TTC6: variants seen among roughly 807,000 people sequenced by gnomAD.
TTC6 encodes the protein tetratricopeptide repeat domain 6.
In TTC6, 172 loss-of-function variants were observed where a neutral mutation model predicts 210.4. The observed-to-expected ratio is 0.82, with a 90% CI of 0.72 to 0.93. The LOEUF is 0.93. Among genes scored for constraint, TTC6 ranks in the 40% least tolerant of loss-of-function variants. TTC6 has a pLI of 0.00. For missense variants in TTC6, 2,414 were observed against 2,318.1 expected (o/e 1.04, Z -0.85); for synonymous variants, 804 against 819.6 (o/e 0.98, Z 0.32).
chr14:37,738,811 G>A, exon 10 of TTC6: 2 of 1,525,036 alleles, frequency 1.3e-6, no homozygotes, highest in Non-Finnish European at 1.7e-6. Context: ...GGAAGGAGAA[G>A]ATCATAGCTC....
chr14:37,652,408 A>G (rs1297847877), intron 1 of TTC6, among the ~76,000 whole-genome samples: 1 of 152,146 alleles, frequency 6.6e-6, no homozygotes, highest in African/African-American at 2.4e-5. Context: ...GAATGTTTAT[A>G]TGAGGAGAGG....
chr14:37,645,005 A>G (rs1383395064), intron 1 of TTC6, among the ~76,000 whole-genome samples: 3 of 152,216 alleles, frequency 2.0e-5, no homozygotes, highest in Admixed American at 6.5e-5. Flanking sequence ...TACATGTTAA[A>G]TAGGCTGCAT....
intron 27 of TTC6, among the ~76,000 whole-genome samples, chr14:37,824,454 A>G (rs1194257601): frequency 1.3e-5 from 2 of 152,202 alleles, no homozygotes; most frequent in Non-Finnish European, 2.9e-5. Flanking sequence ...AGCTGACTGC[A>G]ATCCAGTGAA....
At chr14:37,621,424 A>C (rs1303777669), upstream of TTC6, among the ~76,000 whole-genome samples, 3 of 152,144 alleles carry the variant, frequency 2.0e-5, no homozygotes, top group Non-Finnish European at 4.4e-5. Flanking sequence ...CAGCCTGGGC[A>C]ACACAAGGAG....
At chr14:37,787,618 A>G (rs1274510976) in exon 15 of TTC6, 3 of 1,505,080 alleles carry the variant, frequency 2.0e-6, no homozygotes, top group South Asian at 2.5e-5. Flanking sequence ...TTAGAGCGCT[A>G]CAGGATTATA....
At chr14:37,779,599 A>G (rs1293825145) in intron 14 of TTC6, among the ~76,000 whole-genome samples, 1 of 152,154 alleles carries the variant, frequency 6.6e-6, no homozygotes, top group Non-Finnish European at 1.5e-5. Flanking sequence ...TTATTATTAG[A>G]TATTTTTTGT....
intron 5 of TTC6, among the ~76,000 whole-genome samples, chr14:37,709,275 C>T (rs1468705279): frequency 6.6e-6 from 1 of 152,000 alleles, no homozygotes; most frequent in East Asian, 1.9e-4. Context: ...CTTAGTAGTT[C>T]CCTAGCCTAA....
At chr14:37,760,065 T>C (rs148809394) in intron 14 of TTC6, among the ~76,000 whole-genome samples, 2,567 of 152,240 alleles carry the variant, frequency 0.017, 65 homozygotes, top group Middle Eastern at 0.075. Flanking sequence ...TTGCAATCAT[T>C]TGGAGAAGAG....
At chr14:37,613,142 A>G (rs894780489) in intron 2 of TTC6, among the ~76,000 whole-genome samples, 3 of 152,130 alleles carry the variant, frequency 2.0e-5, no homozygotes, top group Non-Finnish European at 2.9e-5. Flanking sequence ...GATGTTCTCT[A>G]TGATTCACAG....
At chr14:37,771,079 A>T (rs1029957816) in intron 14 of TTC6, among the ~76,000 whole-genome samples, 48 of 148,346 alleles carry the variant, frequency 3.2e-4, no homozygotes, top group African/African-American at 1.1e-3. Context: ...GTTTGGCTGG[A>T]TATGAAATTC....
chr14:37,700,326 A>C (rs186049208), intron 4 of TTC6, among the ~76,000 whole-genome samples: 27 of 152,286 alleles, frequency 1.8e-4, no homozygotes, highest in Admixed American at 1.7e-3. Context: ...TTATACCTCC[A>C]ATACAGCTTC....
In TTC6 at chr14:37,839,490, G is replaced by T. The variant is rs563345629; in HGVS notation, c.5299-1955G>T. 8.5e-5 allele frequency among the ~76,000 whole-genome samples: 13 copies of T among 152,206 alleles called. No individual in the cohort carries two copies. In the South Asian group the frequency reaches 2.1e-3, roughly 24 times the overall value. Reference sequence around the variant, plus strand: ...TATCCTTCACCCATTTTTTGATGGGGTTGTTTGTTTTTTTCTTGTAAATGT... The same window carrying T: ...TATCCTTCACCCATTTTTTGATGGGTTTGTTTGTTTTTTTCTTGTAAATGT... On this transcript the variant is annotated intron_variant, in intron 29 of 30. Coordinates refer to ENST00000553443, the Ensembl canonical transcript of TTC6.
intron 5 of TTC6, among the ~76,000 whole-genome samples, chr14:37,707,084 T>G (rs1056847743): frequency 1.3e-5 from 2 of 152,072 alleles, no homozygotes; most frequent in African/African-American, 4.8e-5. Context: ...TTTGTATCAT[T>G]ATCTGATATC....
chr14:37,655,619 C>A (rs560687082), intron 1 of TTC6, among the ~76,000 whole-genome samples: 1 of 152,280 alleles, frequency 6.6e-6, no homozygotes, highest in African/African-American at 2.4e-5. Flanking sequence ...CAGCTCCTCC[C>A]AGGCTTACTC....
intron 14 of TTC6, among the ~76,000 whole-genome samples, chr14:37,775,417 G>T (rs1595242656): frequency 6.6e-6 from 1 of 152,098 alleles, no homozygotes; most frequent in Non-Finnish European, 1.5e-5. Context: ...AGAGATTCTG[G>T]TATATTGTAT....
At chr14:37,790,607 T>C in intron 15 of TTC6, 110 bp from the exon 18 acceptor site, 1 of 855,430 alleles carries the variant, frequency 1.2e-6, no homozygotes, top group Non-Finnish European at 1.8e-6. Flanking sequence ...TTCTATTTTA[T>C]ATAATGTTAA....
intron 10 of TTC6, among the ~76,000 whole-genome samples, chr14:37,744,159 GATGA>G (rs2095929065): frequency 6.6e-6 from 1 of 152,148 alleles, no homozygotes; most frequent in Non-Finnish European, 1.5e-5. Flanking sequence ...GCAACAATTT[GATGA>G]ATGAATGAGT....
chr14:37,655,133 T>C (rs2139437157), intron 1 of TTC6, among the ~76,000 whole-genome samples: 1 of 152,302 alleles, frequency 6.6e-6, no homozygotes, highest in Non-Finnish European at 1.5e-5. Flanking sequence ...TTGTCCAGTG[T>C]AGCAGGCCCA....
Position 37,835,125 on chromosome 14 carries a change from G to T in TTC6, c.5299-6320G>T, listed in dbSNP as rs577563538. On this transcript the variant is annotated intron_variant, in intron 29 of 30. Transcript: ENST00000553443. ...CTGGGCGGCCAGTCTTTGCACTCCT[G>T]GCAGGGCACATAGGCACTGGCAGTG... Among the ~76,000 whole-genome samples the T allele has an allele frequency of 5.3e-5, 8 of 152,302 alleles. No homozygotes were observed. The East Asian group carries it at 1.5e-3, about 29-fold the overall frequency.
Sources: allele counts gnomAD v4.1 joint callset (sites outside exome capture counted in the v4.1 genomes callset), GRCh38; gene constraint gnomAD v4.1.1; transcripts MANE v1.5; gene names NCBI Gene and HGNC (gene_info 2026-07-23, HGNC 2026-07-21).